PCDHGA1: variants seen among roughly 807,000 people sequenced by gnomAD.
PCDHGA1 encodes protocadherin gamma-A1.
In PCDHGA1, 32 loss-of-function variants were observed where a neutral mutation model predicts 58.0. That is an observed-to-expected ratio of 0.55 (90% confidence interval 0.42 to 0.74). PCDHGA1 has a LOEUF of 0.74. Among genes scored for constraint, PCDHGA1 ranks in the 30% least tolerant of loss-of-function variants. The probability of loss-of-function intolerance (pLI) is 0.00; values close to 1 mark genes in which losing one functional copy is unlikely to be tolerated. For synonymous variants in PCDHGA1, 498 were observed against 501.1 expected, an observed-to-expected ratio of 0.99 and a Z score of 0.08; for missense variants, 1,205 against 1,182.3, an observed-to-expected ratio of 1.02 and a Z score of -0.28.
Position 141,332,466 on chromosome 5 carries a change from G to A in PCDHGA1, c.1782G>A (p.Val594=), listed in dbSNP as rs767011878. 9.3e-6 allele frequency: 15 copies of A among 1,613,664 alleles called. No homozygotes were observed. Among genetic ancestry groups the A allele is most frequent in the Non-Finnish European group, 1.2e-5 (14 of 1,180,036 alleles). ...ACCTGGTGACCAAGGTGGTGGCGGT[G>A]GACAGAGACTCGGGCCAGAACGCCT... ...PGYLVTKVVA[V]DRDSGQNAWL... is the part of the protein sequence containing the mutation. Residue 594 remains valine, a synonymous_variant, in exon 1 of 4, where the codon GTG becomes GTA. Coordinates refer to ENST00000517417, the MANE Select transcript of PCDHGA1 (RefSeq NM_018912.3). This position sits in a 1 kb window ranked among gnomAD's most constrained non-coding sequence, Gnocchi z 4.6.
At chr5:141,388,278 A>C (rs769879098) in intron 1 of PCDHGA1, 2 of 1,613,384 alleles carry the variant, frequency 1.2e-6, no homozygotes, top group African/African-American at 2.7e-5. Context: ...CCACACGCCA[A>C]AATTCACGCA....
intron 1 of PCDHGA1, chr5:141,383,689 G>A (rs773858539): frequency 1.9e-6 from 3 of 1,614,036 alleles, no homozygotes; most frequent in South Asian, 1.1e-5. Flanking sequence ...ACTGCTCACG[G>A]TACATGCTAT....
intron 1 of PCDHGA1, among the ~76,000 whole-genome samples, chr5:141,454,932 C>T (rs945154196): frequency 1.3e-5 from 2 of 150,768 alleles, no homozygotes; most frequent in African/African-American, 2.4e-5. Context: ...CTCAGCCTCC[C>T]GAGTAGCTGG....
chr5:141,417,862 G>C, intron 1 of PCDHGA1: 1 of 1,550,466 alleles, frequency 6.4e-7, no homozygotes, highest in Non-Finnish European at 8.7e-7. Flanking sequence ...AGCGAACGAT[G>C]GGAGGGAGCT....
intron 1 of PCDHGA1, chr5:141,339,454 C>A: frequency 6.2e-7 from 1 of 1,614,218 alleles, no homozygotes; most frequent in African/African-American, 1.3e-5. Flanking sequence ...ATGATGCAGA[C>A]GTAGGTGAGA....
chr5:141,419,681 G>T (rs377117997), intron 1 of PCDHGA1: 89 of 1,612,904 alleles, frequency 5.5e-5, no homozygotes, highest in Non-Finnish European at 7.0e-5. Flanking sequence ...GTCCTACCAC[G>T]TGGTGCAGGC....
At position 141,477,896 on chromosome 5, in the gene PCDHGA1, G is replaced by A. The variant is rs1444527086; in HGVS notation, c.2422-16911G>A. 2 of 1,614,174 alleles carry A rather than the reference G, an allele frequency of 1.2e-6. No individual in the cohort carries two copies. Among genetic ancestry groups the A allele is most frequent in the Non-Finnish European group, 1.7e-6 (2 of 1,180,038 alleles). ...AGCTGGCCACCTAGTGTCACGGGTG[G>A]TAGGCTGGGACGCGGATGCAGGGCA... On this transcript the variant is annotated intron_variant, in intron 1 of 3. Coordinates refer to ENST00000517417, the MANE Select transcript of PCDHGA1 (RefSeq NM_018912.3). The surrounding 1 kb of genome is among the most constrained non-coding windows in gnomAD (Gnocchi z 4.9).
Position 141,332,307 on chromosome 5 carries a change from C to T in PCDHGA1, c.1623C>T (p.Pro541=). Residue 541 remains proline, a synonymous_variant, in exon 1 of 4, where the codon CCC becomes CCT. Coordinates refer to ENST00000517417, the MANE Select transcript of PCDHGA1 (RefSeq NM_018912.3). The surrounding 1 kb of genome is among the most constrained non-coding windows in gnomAD (Gnocchi z 4.6). The part of the protein sequence containing the change: ...KVMARDSGDP[P]LSSNVSLSLF... ...TGGCGCGGGACAGTGGGGATCCGCCCCTCAGCAGCAACGTGTCTCTCAGCC... is the reference window on the plus strand; with the variant it reads ...TGGCGCGGGACAGTGGGGATCCGCCTCTCAGCAGCAACGTGTCTCTCAGCC... The T allele has an allele frequency of 6.2e-7, 1 of 1,614,240 alleles. No individual in the cohort carries two copies. The highest frequency in any genetic ancestry group is 1.3e-5 in the African/African-American group (1 of 75,068).
chr5:141,413,660 T>C (rs747874019), intron 1 of PCDHGA1: 5 of 1,613,752 alleles, frequency 3.1e-6, no homozygotes, highest in Non-Finnish European at 4.2e-6. Flanking sequence ...CCGGAAGCTA[T>C]TGATCCGGAT....
Position 141,432,016 on chromosome 5 carries a change from C to T in PCDHGA1, c.2422-62791C>T, listed in dbSNP as rs771650925. The T allele has an allele frequency of 1.2e-6, 2 of 1,614,202 alleles. No homozygotes were observed. The highest frequency in any genetic ancestry group is 3.3e-5 in the Admixed American group (2 of 60,030). On this transcript the variant is annotated intron_variant, in intron 1 of 3. Coordinates refer to ENST00000517417, the MANE Select transcript of PCDHGA1 (RefSeq NM_018912.3). This position sits in a 1 kb window ranked among gnomAD's most constrained non-coding sequence, Gnocchi z 6.0. ...ATAGGGAACAGGTTCCTAGCTACAA[C>T]ATCACAGTGACCGCCACTGACCGGG...
intron 1 of PCDHGA1, chr5:141,360,199 T>C (rs377198093): frequency 4.8e-5 from 77 of 1,612,536 alleles, no homozygotes; most frequent in Non-Finnish European, 6.4e-5. Context: ...GCCCTTCCTG[T>C]TGTCTTTGTT....
At chr5:141,381,826 C>CTTTTTTTTTTTTTTTTTTTTTTTTCTTT (rs770630741) in intron 1 of PCDHGA1, among the ~76,000 whole-genome samples, 1 of 74,284 alleles carries the variant, frequency 1.3e-5, no homozygotes, top group Non-Finnish European at 2.4e-5. Context: ...CTTTCTTCTT[C>CTTTTTTTTTTTTTTTTTTTTTTTTCTTT]TTTTTTTTTT....
intron 1 of PCDHGA1, among the ~76,000 whole-genome samples, chr5:141,450,782 C>G (rs1012152203): frequency 6.6e-6 from 1 of 151,236 alleles, no homozygotes; most frequent in Non-Finnish European, 1.5e-5. Context: ...CCACCGTGCC[C>G]GGACCTCATG....
chr5:141,462,477 G>A (rs1430561580), intron 1 of PCDHGA1, among the ~76,000 whole-genome samples: 1 of 151,828 alleles, frequency 6.6e-6, no homozygotes, highest in East Asian at 1.9e-4. Flanking sequence ...TCTGCTTCTC[G>A]TGGTTGTTGT....
At chr5:141,366,160 G>T in intron 1 of PCDHGA1, 1 of 1,614,118 alleles carries the variant, frequency 6.2e-7, no homozygotes, top group Non-Finnish European at 8.5e-7. Flanking sequence ...GCCTGCTTAA[G>T]GCCAGCGAGC....
Position 141,394,244 on chromosome 5 carries a change from C to G in PCDHGA1, c.2421+61139C>G, listed in dbSNP as rs371631729. Reference sequence around the variant, plus strand: ...CCTCCATCTTTTCCTTGACTGCACACGACCCCGACAGCCAGGAGAATGCCC... The same window carrying G: ...CCTCCATCTTTTCCTTGACTGCACAGGACCCCGACAGCCAGGAGAATGCCC... On this transcript the variant is annotated intron_variant, in intron 1 of 3. Coordinates refer to ENST00000517417, the MANE Select transcript of PCDHGA1 (RefSeq NM_018912.3). The G allele has an allele frequency of 1.2e-5, 19 of 1,613,820 alleles. No homozygotes were observed. Among genetic ancestry groups the G allele is most frequent in the Middle Eastern group, 1.6e-4 (1 of 6,084 alleles).
At chr5:141,426,374 C>G (rs908991939) in intron 1 of PCDHGA1, 2 of 219,094 alleles carry the variant, frequency 9.1e-6, no homozygotes, top group East Asian at 1.0e-4. Flanking sequence ...GGGGCACCCT[C>G]GGAGCAGATC....
At chr5:141,395,170 AGAAAAATGATTCTT>A in intron 1 of PCDHGA1, 1 of 1,614,214 alleles carries the variant, frequency 6.2e-7, no homozygotes, top group Non-Finnish European at 8.5e-7. Flanking sequence ...GAGGGCTGTG[AGAAAAATGATTCTT>A]TGTTAACATC....
At chr5:141,400,172 C>G in intron 1 of PCDHGA1, 1 of 1,614,082 alleles carries the variant, frequency 6.2e-7, no homozygotes, top group Non-Finnish European at 8.5e-7. Context: ...GACCCCCAGG[C>G]TGAGCTGCAG....
Sources: allele counts gnomAD v4.1 joint callset (sites outside exome capture counted in the v4.1 genomes callset), GRCh38; gene constraint gnomAD v4.1.1; non-coding constraint Gnocchi (gnomAD v3.1); transcripts MANE v1.5; gene names NCBI Gene and HGNC (gene_info 2026-07-23, HGNC 2026-07-21).